Variants in KLHL5 observed in about 807,000 individuals in gnomAD.
KLHL5 encodes the protein kelch-like protein 5.
A neutral mutation model predicts 77.7 loss-of-function variants in KLHL5; 48 were observed. The ratio of observed to expected loss-of-function variants is 0.62; its 90% CI spans 0.49 to 0.79. KLHL5 has a LOEUF of 0.79. Among genes scored for constraint, KLHL5 ranks in the 30% least tolerant of loss-of-function variants. The pLI, the probability that KLHL5 is intolerant of heterozygous loss-of-function variation, is 0.00. For synonymous variants in KLHL5, 260 were observed against 297.0 expected, an observed-to-expected ratio of 0.88 and a Z score of 1.28; for missense variants, 723 against 859.7, an observed-to-expected ratio of 0.84 and a Z score of 1.99.
intron 2 of KLHL5, among the ~76,000 whole-genome samples, chr4:39,078,174 T>G (rs545523678): frequency 2.8e-4 from 43 of 151,772 alleles, no homozygotes; most frequent in Admixed American, 1.3e-4. Flanking sequence ...GATCACGAGG[T>G]CAGAAGTTCA....
intron 10 of KLHL5, among the ~76,000 whole-genome samples, 193 bp from the exon 11 acceptor site, chr4:39,120,817 T>C (rs1723159443): frequency 2.0e-5 from 3 of 152,246 alleles, no homozygotes; most frequent in South Asian, 4.1e-4. Flanking sequence ...CAAAACAACT[T>C]AGTCTATGAA....
At position 39,077,129 on chromosome 4, in the gene KLHL5, C is replaced by G. The variant is rs1467737926; in HGVS notation, c.566+982C>G. Reference sequence around the variant, plus strand: ...GGGCTAAGGACATGAATAGATAGTTCTCAAAAGAAGATCTACAAATGGCCA... The same window carrying G: ...GGGCTAAGGACATGAATAGATAGTTGTCAAAAGAAGATCTACAAATGGCCA... On this transcript the variant is annotated intron_variant, in intron 2 of 10. Transcript: ENST00000504108. Among the ~76,000 whole-genome samples the G allele has an allele frequency of 4.0e-5, 6 of 151,404 alleles. No individual in the cohort carries two copies. The Middle Eastern group carries it at 0.017, about 432-fold the overall frequency.
upstream of KLHL5, among the ~76,000 whole-genome samples, chr4:39,057,949 T>C (rs1458366831): frequency 6.6e-6 from 1 of 152,322 alleles, no homozygotes; most frequent in Middle Eastern, 3.4e-3. Flanking sequence ...CTTCAGTCTA[T>C]CTTAATGACA....
the KLHL5 span, among the ~76,000 whole-genome samples, chr4:39,137,538 T>A: frequency 6.6e-6 from 1 of 152,086 alleles, no homozygotes; most frequent in South Asian, 2.1e-4. Flanking sequence ...GTGGGAAGAT[T>A]GAGCCCAGGA....
intron 6 of KLHL5, among the ~76,000 whole-genome samples, chr4:39,098,422 A>T (rs1226745692): frequency 3.6e-5 from 5 of 140,570 alleles, no homozygotes; most frequent in African/African-American, 1.3e-4. Flanking sequence ...GCCACCACAC[A>T]TGCCTGACTA....
At chr4:39,055,200 T>C (rs1716925405) in intron 1 of KLHL5, among the ~76,000 whole-genome samples, 1 of 152,186 alleles carries the variant, frequency 6.6e-6, no homozygotes, top group Admixed American at 6.5e-5. Flanking sequence ...TCCTCAAGAA[T>C]ATAAGGAGTG....
At chr4:39,063,163 T>G in intron 1 of KLHL5, 128 bp downstream of exon 1, 1 of 639,000 alleles carries the variant, frequency 1.6e-6, no homozygotes, top group South Asian at 3.2e-5. Flanking sequence ...ATATAATATC[T>G]TGGTATGAAC....
chr4:39,115,987 T>C, intron 10 of KLHL5: 1 of 985,684 alleles, frequency 1.0e-6, no homozygotes, highest in Non-Finnish European at 1.2e-6. Context: ...AATGTTTAAC[T>C]GAGCCAAGAT....
chr4:39,095,930 A>G (rs1403620065), intron 5 of KLHL5, among the ~76,000 whole-genome samples: 1 of 152,004 alleles, frequency 6.6e-6, no homozygotes, highest in Non-Finnish European at 1.5e-5. Context: ...GTTTGCATAA[A>G]TATGAAGAAA....
rs1274027803 is a variant in KLHL5, at chr4:39,088,231, A to G, written c.1113+1504A>G. ...CAGATATTTATGATACTATATTTGC[A>G]TGACTCTCATAGACCTTTAAAATAT... On this transcript the variant is annotated intron_variant, in intron 5 of 10. Coordinates refer to ENST00000504108, the MANE Select transcript of KLHL5 (RefSeq NM_015990.5). 8.5e-5 allele frequency among the ~76,000 whole-genome samples: 13 copies of G among 152,320 alleles called. No homozygotes were observed. The South Asian group carries it at 1.0e-3, about 12-fold the overall frequency.
At chr4:39,048,935 C>T (rs983949105) in intron 1 of KLHL5, among the ~76,000 whole-genome samples, 6 of 152,134 alleles carry the variant, frequency 3.9e-5, no homozygotes, top group African/African-American at 1.2e-4. Context: ...AACCACCGCG[C>T]CTGGTGTACA....
chr4:39,061,674 A>T (rs769515914), upstream of KLHL5, among the ~76,000 whole-genome samples: 1 of 152,196 alleles, frequency 6.6e-6, no homozygotes, highest in African/African-American at 2.4e-5. Context: ...TTGTACACCC[A>T]ATAGTCCTAT....
chr4:39,131,928 G>C, the KLHL5 span, among the ~76,000 whole-genome samples: 1 of 151,530 alleles, frequency 6.6e-6, no homozygotes, highest in Non-Finnish European at 1.5e-5. Context: ...TGAAAGGAGA[G>C]AAGACTTGGA....
chr4:39,131,002 C>G (rs1374642208), downstream of KLHL5, among the ~76,000 whole-genome samples: 32 of 139,724 alleles, frequency 2.3e-4, no homozygotes, highest in Non-Finnish European at 4.6e-5. Flanking sequence ...ACTACCATGC[C>G]TGGCAAATTT....
intron 2 of KLHL5, among the ~76,000 whole-genome samples, chr4:39,079,778 C>T (rs1719439500): frequency 6.6e-6 from 1 of 152,114 alleles, no homozygotes; most frequent in Non-Finnish European, 1.5e-5. Flanking sequence ...TCTCAAGTAT[C>T]TAGAACAGTA....
chr4:39,113,540 A>C (rs1380195781), intron 9 of KLHL5, among the ~76,000 whole-genome samples: 2 of 152,232 alleles, frequency 1.3e-5, no homozygotes, highest in Non-Finnish European at 2.9e-5. Flanking sequence ...AAAAGCAAAA[A>C]GGATAGGGAC....
chr4:39,094,658 C>T lies in KLHL5; in HGVS notation c.1114-2034C>T, dbSNP rs185242282. Among the ~76,000 whole-genome samples, 233 of 150,958 alleles carry T rather than the reference C, an allele frequency of 1.5e-3. 1 individual carries two copies. Among genetic ancestry groups the T allele is most frequent in the African/African-American group, 5.2e-3 (213 of 40,888 alleles). On this transcript the variant is annotated intron_variant, in intron 5 of 10. Transcript: ENST00000504108. ...TAGAAATAGGAATAGACAAATAGAT[C>T]GATAGAACAGAATAAAGAATAAAAA...
chr4:39,099,695 C>T (rs867798431), intron 6 of KLHL5, among the ~76,000 whole-genome samples: 7 of 152,192 alleles, frequency 4.6e-5, no homozygotes, highest in African/African-American at 1.7e-4. Flanking sequence ...GGAGCCCTTC[C>T]ATGACCATTC....
At chr4:39,133,103 AATT>A in the KLHL5 span, among the ~76,000 whole-genome samples, 1 of 150,420 alleles carries the variant, frequency 6.6e-6, no homozygotes, top group Non-Finnish European at 1.5e-5. Flanking sequence ...ATAATTTTAA[AATT>A]ATTCTCTCTT....
Sources: gnomAD v4.1 joint callset for allele counts (sites outside exome capture counted in the v4.1 genomes callset) on GRCh38, gnomAD v4.1.1 for gene constraint, MANE v1.5 for transcripts, NCBI Gene and HGNC (gene_info 2026-07-23, HGNC 2026-07-21) for gene names.